The following WDPCP variants were observed in gnomAD, a reference collection of about 807,000 sequenced individuals.
WDPCP encodes the protein WD repeat-containing and planar cell polarity effector protein fritz homolog.
WDPCP carries 71 observed loss-of-function variants against 93.1 expected under a neutral mutation model. The ratio of observed to expected loss-of-function variants is 0.76; its 90% confidence interval spans 0.63 to 0.93. The LOEUF (loss-of-function observed/expected upper bound fraction) is 0.93. Among genes scored for constraint, WDPCP ranks in the 40% least tolerant of loss-of-function variants. WDPCP has a pLI of 0.00. For missense variants in WDPCP, 844 were observed against 887.4 expected (o/e 0.95, Z 0.62); for synonymous variants, 315 against 315.0 (o/e 1.00, Z 0.00).
intron 14 of WDPCP, among the ~76,000 whole-genome samples, chr2:63,237,159 A>T (rs1322675737): frequency 1.3e-5 from 2 of 152,122 alleles, no homozygotes; most frequent in Non-Finnish European, 2.9e-5. Flanking sequence ...AACCCCATTA[A>T]AAAGTGGGCA....
At chr2:63,397,292 G>A (rs556254397) in intron 10 of WDPCP, among the ~76,000 whole-genome samples, 5 of 152,226 alleles carry the variant, frequency 3.3e-5, no homozygotes, top group African/African-American at 4.8e-5. Context: ...TGACTTGGAC[G>A]TTCCATCTGA....
intron 1 of WDPCP, among the ~76,000 whole-genome samples, chr2:63,531,229 C>T (rs1175886736): frequency 2.0e-5 from 3 of 152,226 alleles, no homozygotes; most frequent in East Asian, 3.9e-4. Context: ...CTCAACGAGG[C>T]CTGCCTGCCT....
chr2:63,492,998 A>C (rs1700991069), intron 1 of WDPCP, 58 bp from the exon 2 acceptor site: 1 of 1,378,846 alleles, frequency 7.3e-7, no homozygotes, highest in Non-Finnish European at 1.0e-6. Context: ...TGCCAATAAA[A>C]CCAAGATACC....
At chr2:63,181,615 G>A (rs947434225) in intron 14 of WDPCP, among the ~76,000 whole-genome samples, 3 of 152,228 alleles carry the variant, frequency 2.0e-5, no homozygotes, top group African/African-American at 7.2e-5. Context: ...ATAATTTGAA[G>A]TCAGGTAATG....
intron 10 of WDPCP, among the ~76,000 whole-genome samples, chr2:63,392,874 A>C (rs1693395185): frequency 2.6e-5 from 4 of 152,210 alleles, no homozygotes; most frequent in Middle Eastern, 3.2e-3. Context: ...GATCATTAAA[A>C]AGTCAGGAAA....
At chr2:63,249,777 C>A (rs957557610) in intron 14 of WDPCP, among the ~76,000 whole-genome samples, 2 of 152,088 alleles carry the variant, frequency 1.3e-5, no homozygotes, top group African/African-American at 4.8e-5. Flanking sequence ...GTTCAAAGAC[C>A]CCCAGTGAAT....
At chr2:63,175,512 GT>G (rs1436870254) in intron 14 of WDPCP, among the ~76,000 whole-genome samples, 1 of 151,930 alleles carries the variant, frequency 6.6e-6, no homozygotes, top group Non-Finnish European at 1.5e-5. Flanking sequence ...AGTGTTAAGT[GT>G]ATTCACATTG....
At chr2:63,662,764 A>G (rs188356676) in intron 2 of WDPCP, among the ~76,000 whole-genome samples, 24 of 152,272 alleles carry the variant, frequency 1.6e-4, no homozygotes, top group Admixed American at 4.6e-4. Flanking sequence ...GAACAGTACT[A>G]TATCTCTAAT....
chr2:63,594,920 T>C (rs1357721712), intron 3 of WDPCP: 1 of 264,404 alleles, frequency 3.8e-6, no homozygotes, highest in East Asian at 1.0e-4. Context: ...TGTTCATAAA[T>C]GGCCTTTGGA....
At chr2:63,690,516 G>A (rs1344259096) in intron 2 of WDPCP, among the ~76,000 whole-genome samples, 1 of 152,074 alleles carries the variant, frequency 6.6e-6, no homozygotes, top group African/African-American at 2.4e-5. Flanking sequence ...GCACTTTGGA[G>A]GCTGAAATGG....
rs1417868267 is a variant in WDPCP at position 63,647,503 on chromosome 2, G to A, written n.488+3156C>T. Among the ~76,000 whole-genome samples the A allele has an allele frequency of 3.3e-5, 5 of 152,018 alleles. 1 individual carries two copies. The South Asian group carries it at 1.0e-3, about 32-fold the overall frequency. ...ATGAATTTCCAGAGAATTATGCTGA[G>A]TGAAAAAAAAGCCAATCCCCAAAGG... is the stretch of plus-strand genomic sequence containing the variant. On this transcript the variant is annotated intron_variant and non_coding_transcript_variant, in intron 3 of 4. Coordinates refer to the WDPCP transcript ENST00000467687.
At chr2:63,669,725 T>C (rs552132823) in intron 2 of WDPCP, among the ~76,000 whole-genome samples, 1 of 152,348 alleles carries the variant, frequency 6.6e-6, no homozygotes, top group South Asian at 2.1e-4. Flanking sequence ...TCTTGTTACA[T>C]GCATTTGCTC....
intron 2 of WDPCP, among the ~76,000 whole-genome samples, chr2:63,777,538 G>A (rs545368464): frequency 6.6e-6 from 1 of 152,248 alleles, no homozygotes; most frequent in East Asian, 1.9e-4. Context: ...GCAGGTGAAT[G>A]AATAAACAAA....
At chr2:63,439,982 T>C (rs1182995491) in intron 6 of WDPCP, 111 bp from the exon 7 acceptor site, 1 of 745,580 alleles carries the variant, frequency 1.3e-6, no homozygotes, top group African/African-American at 1.8e-5. Flanking sequence ...CACATGCATC[T>C]ACACTACAAA....
chr2:63,742,409 T>C (rs760280312), intron 2 of WDPCP, among the ~76,000 whole-genome samples: 7 of 151,828 alleles, frequency 4.6e-5, no homozygotes, highest in Non-Finnish European at 8.8e-5. Context: ...CCCAACATTA[T>C]AGGGAGACTT....
At chr2:63,396,255 T>C (rs1049638463) in intron 10 of WDPCP, among the ~76,000 whole-genome samples, 6 of 152,178 alleles carry the variant, frequency 3.9e-5, no homozygotes, top group African/African-American at 1.4e-4. Flanking sequence ...TAAAGTATAA[T>C]GTTAAAATAA....
chr2:63,392,460 C>G (rs565747478), intron 10 of WDPCP, among the ~76,000 whole-genome samples: 5 of 152,270 alleles, frequency 3.3e-5, no homozygotes, highest in African/African-American at 1.2e-4. Context: ...CAATACCATT[C>G]AGGACATAGG....
intron 12 of WDPCP, among the ~76,000 whole-genome samples, chr2:63,321,756 C>A (rs1015851057): frequency 6.6e-5 from 10 of 152,198 alleles, no homozygotes; most frequent in Non-Finnish European, 1.0e-4. Flanking sequence ...TGCCATATGG[C>A]AACTTTGCTT....
chr2:63,136,332 G>A (rs965013412), intron 17 of WDPCP, among the ~76,000 whole-genome samples: 5 of 152,102 alleles, frequency 3.3e-5, no homozygotes, highest in Non-Finnish European at 7.4e-5. Flanking sequence ...CTTCAGGTCT[G>A]AGCAGAATAT....
Sources: gnomAD v4.1 joint callset for allele counts (sites outside exome capture counted in the v4.1 genomes callset) on GRCh38, gnomAD v4.1.1 for gene constraint, MANE v1.5 for transcripts, NCBI Gene and HGNC (gene_info 2026-07-23, HGNC 2026-07-21) for gene names.